The following CDH23 variants were observed in gnomAD, a reference collection of about 807,000 sequenced individuals.
CDH23 encodes cadherin-23.
Under a neutral mutation model 317.1 loss-of-function variants are expected in CDH23, and 189 were observed. That is an observed-to-expected ratio of 0.60 (90% CI 0.53 to 0.67). The LOEUF is 0.67. CDH23 is among the 30% of genes least tolerant of loss of function. The pLI, the probability that CDH23 is intolerant of heterozygous loss-of-function variation, is 0.00. For missense variants in CDH23, 4,401 were observed against 4,592.4 expected, an observed-to-expected ratio of 0.96 and a Z score of 1.20; for synonymous variants, 1,839 against 1,876.8, an observed-to-expected ratio of 0.98 and a Z score of 0.52.
At chr10:71,485,727 C>T (rs756098695) in intron 3 of CDH23, among the ~76,000 whole-genome samples, 1 of 152,168 alleles carries the variant, frequency 6.6e-6, no homozygotes, top group African/African-American at 2.4e-5. Context: ...GTGGGATGGG[C>T]GTGGTTGCCA....
chr10:71,690,204 A>G (rs901390406), intron 19 of CDH23, among the ~76,000 whole-genome samples: 3 of 152,152 alleles, frequency 2.0e-5, no homozygotes, highest in African/African-American at 7.2e-5. Flanking sequence ...GGAAGACATC[A>G]GAGGGCCCAG....
chr10:71,669,783 C>T (rs1192357417), intron 14 of CDH23, among the ~76,000 whole-genome samples: 1 of 152,098 alleles, frequency 6.6e-6, no homozygotes, highest in Non-Finnish European at 1.5e-5. Context: ...TCCAGGTTGT[C>T]CTGCTTAGGA....
intron 1 of CDH23, among the ~76,000 whole-genome samples, chr10:71,423,681 A>T (rs1387041957): frequency 6.6e-6 from 1 of 152,204 alleles, no homozygotes; most frequent in African/African-American, 2.4e-5. Flanking sequence ...TCTGTCAGTC[A>T]TACTGGGGCC....
intron 1 of CDH23, among the ~76,000 whole-genome samples, chr10:71,406,740 C>T (rs2131907587): frequency 1.3e-5 from 2 of 152,360 alleles, no homozygotes; most frequent in Middle Eastern, 6.8e-3. Flanking sequence ...GCCATTCATT[C>T]ATTTAGGAAA....
intron 30 of CDH23, among the ~76,000 whole-genome samples, chr10:71,728,731 T>C (rs1866923868): frequency 6.6e-6 from 1 of 152,188 alleles, no homozygotes; most frequent in Admixed American, 6.5e-5. Context: ...GGGAAGAGGG[T>C]GCCTCTCCTG....
At chr10:71,650,397 T>G (rs534581880) in intron 14 of CDH23, among the ~76,000 whole-genome samples, 11 of 152,324 alleles carry the variant, frequency 7.2e-5, no homozygotes, top group African/African-American at 2.4e-4. Context: ...AGGAAGGATG[T>G]GCGGGGGTGC....
At chr10:71,775,340 G>T (rs1349399300) in intron 38 of CDH23, among the ~76,000 whole-genome samples, 1 of 152,128 alleles carries the variant, frequency 6.6e-6, no homozygotes, top group Non-Finnish European at 1.5e-5. Flanking sequence ...CTTCCCCAGG[G>T]CCTAGCAGCC....
At position 71,799,365 on chromosome 10, in the gene CDH23, C is replaced by T. The variant is rs186647551; in HGVS notation, c.7224+85C>T. On this transcript the variant is annotated intron_variant, in intron 51 of 69. Coordinates refer to ENST00000224721, the MANE Select transcript of CDH23 (RefSeq NM_022124.6). ...GCATCTTCCTCTCCCACCCTGCCAG[C>T]CTCTAAGCCCCCTGGGAGTGCCCAG... is the stretch of plus-strand genomic sequence containing the variant. 1.8e-3 allele frequency: 2,910 copies of T among 1,604,774 alleles called. 39 individuals are homozygous for T. In the South Asian group the frequency reaches 0.019, roughly 10 times the overall value.
intron 8 of CDH23, among the ~76,000 whole-genome samples, chr10:71,572,921 G>A (rs907712078): frequency 6.6e-6 from 1 of 152,222 alleles, no homozygotes; most frequent in African/African-American, 2.4e-5. Flanking sequence ...GTGCAGGGAA[G>A]ATGCCCAAGG....
intron 28 of CDH23, among the ~76,000 whole-genome samples, chr10:71,720,728 A>G (rs1165548903): frequency 1.3e-5 from 2 of 152,194 alleles, no homozygotes; most frequent in Non-Finnish European, 2.9e-5. Context: ...GAGATTTCCT[A>G]TGGACTGTTA....
At chr10:71,667,919 G>A (rs72815809) in intron 14 of CDH23, among the ~76,000 whole-genome samples, 2,171 of 152,202 alleles carry the variant, frequency 0.014, 26 homozygotes, top group Middle Eastern at 0.044. Flanking sequence ...CATGGGAAAA[G>A]CCCCAGGTGG....
At chr10:71,605,231 C>T (rs1187052530) in intron 9 of CDH23, among the ~76,000 whole-genome samples, 3 of 150,696 alleles carry the variant, frequency 2.0e-5, no homozygotes. Context: ...TTTAAAGGAA[C>T]TTGTATTGAC....
intron 6 of CDH23, among the ~76,000 whole-genome samples, chr10:71,522,601 T>C (rs1398382191): frequency 6.6e-6 from 1 of 152,204 alleles, no homozygotes; most frequent in Non-Finnish European, 1.5e-5. Context: ...AGGTCCCCAC[T>C]GTGCAGGTGA....
intron 14 of CDH23, among the ~76,000 whole-genome samples, chr10:71,674,023 G>T (rs1436460788): frequency 2.6e-5 from 4 of 152,210 alleles, no homozygotes; most frequent in Non-Finnish European, 5.9e-5. Flanking sequence ...AGGAGCATAA[G>T]CTGTGGGGAT....
At chr10:71,570,191 G>A (rs1448558780) in intron 7 of CDH23, among the ~76,000 whole-genome samples, 2 of 152,132 alleles carry the variant, frequency 1.3e-5, no homozygotes, top group African/African-American at 4.8e-5. Flanking sequence ...CCCCCTGCTG[G>A]TTGGATTGGG....
At chr10:71,416,770 C>T (rs1178271717) in intron 1 of CDH23, among the ~76,000 whole-genome samples, 3 of 152,080 alleles carry the variant, frequency 2.0e-5, no homozygotes, top group Middle Eastern at 6.8e-3. Context: ...TGGGCTCAAG[C>T]GATCCTCCCA....
At chr10:71,639,276 G>A (rs928762923) in intron 11 of CDH23, among the ~76,000 whole-genome samples, 9 of 152,170 alleles carry the variant, frequency 5.9e-5, no homozygotes, top group Admixed American at 2.6e-4. Context: ...CAACAAAATC[G>A]CCCCTCTGCA....
chr10:71,421,767 C>T (rs1407863735), intron 1 of CDH23, among the ~76,000 whole-genome samples: 1 of 151,830 alleles, frequency 6.6e-6, no homozygotes, highest in Non-Finnish European at 1.5e-5. Flanking sequence ...TGGGGAAGGG[C>T]AGGAGGGAGA....
intron 25 of CDH23, among the ~76,000 whole-genome samples, chr10:71,706,429 G>C (rs148462755): frequency 3.3e-5 from 5 of 152,270 alleles, no homozygotes; most frequent in Admixed American, 6.5e-5. Flanking sequence ...CGCTTCCTCA[G>C]CTCCACAGTG....
Sources: allele counts gnomAD v4.1 joint callset (sites outside exome capture counted in the v4.1 genomes callset), GRCh38; gene constraint gnomAD v4.1.1; transcripts MANE v1.5; gene names NCBI Gene and HGNC (gene_info 2026-07-23, HGNC 2026-07-21).